MYO16: variants seen among roughly 807,000 people sequenced by gnomAD.
MYO16 encodes the protein myosin XVI, also known as unconventional myosin-XVI.
MYO16 carries 94 observed loss-of-function variants against 205.3 expected under a neutral mutation model. The ratio of observed to expected loss-of-function variants is 0.46; its 90% CI spans 0.39 to 0.54. The LOEUF (loss-of-function observed/expected upper bound fraction) is 0.54, where lower values mean the gene tolerates loss of function less well. MYO16 is among the 20% of genes least tolerant of loss of function. MYO16 has a pLI of 0.00. For missense variants in MYO16, 2,315 were observed against 2,387.5 expected, an observed-to-expected ratio of 0.97 and a Z score of 0.63; for synonymous variants, 988 against 954.0, an observed-to-expected ratio of 1.04 and a Z score of -0.66.
At chr13:108,566,483 T>G in the MYO16 span, among the ~76,000 whole-genome samples, 1 of 151,970 alleles carries the variant, frequency 6.6e-6, no homozygotes, top group South Asian at 2.1e-4. Context: ...CTTTTTTTTT[T>G]TAGCCAGGCA....
intron 9 of MYO16, among the ~76,000 whole-genome samples, chr13:108,837,849 A>C (rs1413134014): frequency 6.6e-6 from 1 of 152,202 alleles, no homozygotes; most frequent in South Asian, 2.1e-4. Flanking sequence ...TATTCTAAAG[A>C]AATCTTTCTA....
At chr13:109,135,476 C>T (rs934497810) in intron 31 of MYO16, among the ~76,000 whole-genome samples, 3 of 152,196 alleles carry the variant, frequency 2.0e-5, no homozygotes, top group Non-Finnish European at 2.9e-5. Flanking sequence ...CTGCTTCTTC[C>T]TTATCAGGGT....
intron 19 of MYO16, among the ~76,000 whole-genome samples, 159 bp downstream of exon 19, chr13:108,962,654 G>A (rs993888217): frequency 3.3e-5 from 5 of 152,242 alleles, no homozygotes; most frequent in African/African-American, 9.6e-5. Flanking sequence ...CATGACTATA[G>A]TGTAGACTCT....
At chr13:108,750,010 A>G (rs1885179961) in intron 4 of MYO16, among the ~76,000 whole-genome samples, 1 of 152,250 alleles carries the variant, frequency 6.6e-6, no homozygotes, top group African/African-American at 2.4e-5. Flanking sequence ...TATGCCATCC[A>G]AATGAAAGAA....
intron 2 of MYO16, among the ~76,000 whole-genome samples, chr13:108,673,024 G>A (rs1337889618): frequency 6.6e-6 from 1 of 152,052 alleles, no homozygotes; most frequent in Non-Finnish European, 1.5e-5. Context: ...ATATGTAGTA[G>A]GTACATATGT....
At chr13:108,954,445 G>A (rs544099137) in intron 16 of MYO16, among the ~76,000 whole-genome samples, 1 of 152,250 alleles carries the variant, frequency 6.6e-6, no homozygotes, top group African/African-American at 2.4e-5. Flanking sequence ...TTATCATTAA[G>A]GTTTATCACT....
intron 27 of MYO16, among the ~76,000 whole-genome samples, chr13:109,079,398 TTA>T (rs1491072202): frequency 6.7e-6 from 1 of 149,192 alleles, no homozygotes; most frequent in Admixed American, 6.7e-5. Context: ...TTTTTTTTTT[TTA>T]ACTATTAAAT....
At chr13:109,166,448 G>T (rs2139881354) in intron 33 of MYO16, among the ~76,000 whole-genome samples, 1 of 152,304 alleles carries the variant, frequency 6.6e-6, no homozygotes, top group Non-Finnish European at 1.5e-5. Flanking sequence ...GGGAAGAATG[G>T]AAACTCCAGA....
chr13:109,199,192 G>GTA lies in MYO16; in HGVS notation c.5416-7370_5416-7369dup, dbSNP rs4000581. Among the ~76,000 whole-genome samples the GTA allele has an allele frequency of 1.9e-3, 143 of 75,554 alleles. 3 individuals are homozygous for GTA. The highest frequency in any genetic ancestry group is 2.6e-3 in the Non-Finnish European group (105 of 39,924). The allele number at this position is 75,554 out of a possible 152,430, so 49.6% of individuals were successfully genotyped here. A position where few individuals can be genotyped will look rare whatever the true frequency, so the allele number is the denominator to read the frequency against. On this transcript the variant is annotated intron_variant, in intron 34 of 34. Transcript: ENST00000457511. Reference sequence around the variant, plus strand: ...TCAAGTAAATGGTTTAATAAAAAAGGTATATATATATATATATATATATAT... The same window carrying GTA: ...TCAAGTAAATGGTTTAATAAAAAAGGTATATATATATATATATATATATATAT...
the MYO16 span, among the ~76,000 whole-genome samples, chr13:108,546,262 C>A: frequency 2.6e-5 from 4 of 152,060 alleles, no homozygotes; most frequent in Non-Finnish European, 5.9e-5. Flanking sequence ...CTTAGGGTTG[C>A]GTTCTGAGCG....
chr13:108,497,446 T>C, the MYO16 span, among the ~76,000 whole-genome samples: 1 of 152,218 alleles, frequency 6.6e-6, no homozygotes, highest in Admixed American at 6.5e-5. Flanking sequence ...AGGTTTACAT[T>C]TGATGGATGT....
chr13:109,015,447 G>C (rs1885773106), intron 22 of MYO16, among the ~76,000 whole-genome samples: 1 of 152,126 alleles, frequency 6.6e-6, no homozygotes, highest in Non-Finnish European at 1.5e-5. Flanking sequence ...TCTCTGCCAG[G>C]CTTTGGTATC....
intron 23 of MYO16, among the ~76,000 whole-genome samples, chr13:109,041,666 G>T (rs1213668850): frequency 6.6e-6 from 1 of 152,082 alleles, no homozygotes; most frequent in Non-Finnish European, 1.5e-5. Flanking sequence ...TGATAGTTTT[G>T]CAGGATGTTA....
chr13:108,700,316 C>G (rs4084498), intron 2 of MYO16, among the ~76,000 whole-genome samples: 143,151 of 145,804 alleles, frequency 0.98, 70,316 homozygotes, highest in East Asian at 1. Context: ...TGGGCAACAA[C>G]AGCGAAACTC....
At chr13:108,918,106 A>C (rs552679720) in intron 16 of MYO16, among the ~76,000 whole-genome samples, 5 of 152,256 alleles carry the variant, frequency 3.3e-5, no homozygotes, top group Non-Finnish European at 7.3e-5. Flanking sequence ...TTTGCATCAC[A>C]GATAAATTTA....
At chr13:109,017,630 G>C (rs1376046721) in intron 22 of MYO16, among the ~76,000 whole-genome samples, 1 of 152,114 alleles carries the variant, frequency 6.6e-6, no homozygotes, top group Non-Finnish European at 1.5e-5. Flanking sequence ...TTGTCACATA[G>C]TCCCATATTT....
intron 34 of MYO16, among the ~76,000 whole-genome samples, chr13:109,187,269 T>C (rs1879725964): frequency 6.6e-6 from 1 of 152,236 alleles, no homozygotes; most frequent in Non-Finnish European, 1.5e-5. Flanking sequence ...ATTTTGCTTA[T>C]TGTGTTTTCT....
At chr13:108,655,398 AG>A (rs144223777) in intron 1 of MYO16, among the ~76,000 whole-genome samples, 3,993 of 152,216 alleles carry the variant, frequency 0.026, 169 homozygotes, top group African/African-American at 0.092. Context: ...CAAAAATTGG[AG>A]TTTGGGAACC....
intron 16 of MYO16, among the ~76,000 whole-genome samples, chr13:108,945,953 A>ATG (rs1269190371): frequency 6.6e-6 from 1 of 152,132 alleles, no homozygotes; most frequent in African/African-American, 2.4e-5. Flanking sequence ...TGCTTCCCCC[A>ATG]TGATATCCTG....
Sources: allele counts gnomAD v4.1 joint callset (sites outside exome capture counted in the v4.1 genomes callset), GRCh38; gene constraint gnomAD v4.1.1; transcripts MANE v1.5; gene names NCBI Gene and HGNC (gene_info 2026-07-23, HGNC 2026-07-21).